Variants in GRM1 observed in about 807,000 individuals in gnomAD.
GRM1 encodes glutamate metabotropic receptor 1, also known as metabotropic glutamate receptor 1.
A neutral mutation model predicts 90.9 loss-of-function variants in GRM1; 33 were observed. The observed-to-expected ratio is 0.36, with a 90% CI of 0.28 to 0.49. GRM1 has a LOEUF of 0.49. GRM1 is among the 20% of genes least tolerant of loss of function. The pLI, the probability that GRM1 is intolerant of heterozygous loss-of-function variation, is 0.99. For synonymous variants in GRM1, 700 were observed against 613.2 expected, an observed-to-expected ratio of 1.14 and a Z score of -2.09; for missense variants, 1,190 against 1,534.3, an observed-to-expected ratio of 0.78 and a Z score of 3.75.
chr6:146,141,933 T>C (rs1330158723), intron 1 of GRM1, among the ~76,000 whole-genome samples: 1 of 152,166 alleles, frequency 6.6e-6, no homozygotes, highest in Non-Finnish European at 1.5e-5. Flanking sequence ...TCCTGGATAG[T>C]CTTAACGCTT....
At chr6:146,084,441 C>T (rs1057313331) in intron 1 of GRM1, among the ~76,000 whole-genome samples, 13 of 151,910 alleles carry the variant, frequency 8.6e-5, no homozygotes, top group Admixed American at 2.6e-4. Flanking sequence ...GTTGTGTCTT[C>T]GTTCTCGTTG....
chr6:146,229,020 T>A (rs1780355416), intron 2 of GRM1, among the ~76,000 whole-genome samples: 1 of 152,014 alleles, frequency 6.6e-6, no homozygotes, highest in Non-Finnish European at 1.5e-5. Flanking sequence ...GTGTAGAGAG[T>A]ACATAAACAT....
chr6:146,194,088 T>C (rs1420778473), intron 2 of GRM1, among the ~76,000 whole-genome samples: 1 of 152,178 alleles, frequency 6.6e-6, no homozygotes, highest in Non-Finnish European at 1.5e-5. Context: ...TAATGGGAAT[T>C]CTGTGGCTTC....
At chr6:146,324,197 G>A (rs960615574) in intron 3 of GRM1, among the ~76,000 whole-genome samples, 2 of 152,134 alleles carry the variant, frequency 1.3e-5, no homozygotes, top group African/African-American at 4.8e-5. Context: ...ACACTGGGAG[G>A]GGAAAACCAC....
chr6:146,429,909 G>T (rs1373985138), intron 7 of GRM1, among the ~76,000 whole-genome samples: 1 of 152,186 alleles, frequency 6.6e-6, no homozygotes. Context: ...CTGTTGTGAA[G>T]CTATTAAGCC....
Position 146,030,116 on chromosome 6 carries a change from A to G in GRM1, c.599A>G (p.Tyr200Cys). The change falls in exon 1 of 8, where the codon TAC becomes TGC. Residue 200 changes from tyrosine (Y) to cysteine (C), a missense_variant. This residue lies in a region of GRM1 where 46 missense variants were observed against 116.1 expected (regional missense o/e 0.40). Transcript: ENST00000282753. ...IDLSDKTLYKYFLRVVPSDTL... is the reference protein window; with the variant it reads ...IDLSDKTLYKCFLRVVPSDTL... The stretch of plus-strand genomic sequence containing the variant: ...CTGAGTGACAAAACTTTGTACAAAT[A>G]CTTCCTGAGGGTTGTCCCTTCTGAC... The G allele has an allele frequency of 6.2e-7, 1 of 1,614,088 alleles. No individual in the cohort carries two copies. The highest frequency in any genetic ancestry group is 8.5e-7 in the Non-Finnish European group (1 of 1,179,970).
intron 6 of GRM1, among the ~76,000 whole-genome samples, chr6:146,394,291 C>G (rs1776848729): frequency 6.6e-6 from 1 of 152,034 alleles, no homozygotes; most frequent in African/African-American, 2.4e-5. Flanking sequence ...ATGATTGTCT[C>G]TAGTATATCT....
chr6:146,053,350 A>G (rs1022550388), intron 1 of GRM1, among the ~76,000 whole-genome samples: 1 of 152,070 alleles, frequency 6.6e-6, no homozygotes, highest in Non-Finnish European at 1.5e-5. Flanking sequence ...ATATTTTTCA[A>G]TATATATTTG....
At position 146,142,307 on chromosome 6, in the gene GRM1, C is replaced by T. The variant is rs1182419312; in HGVS notation, c.701-17041C>T. 3.3e-5 allele frequency among the ~76,000 whole-genome samples: 5 copies of T among 152,200 alleles called. 1 individual carries two copies. The highest frequency in any genetic ancestry group is 4.1e-4 in the South Asian group (2 of 4,828). On this transcript the variant is annotated intron_variant, in intron 1 of 7. Coordinates refer to ENST00000282753, the MANE Select transcript of GRM1 (RefSeq NM_001278064.2). ...TCCTGGAGCTGTGGGAGAGGTGACA[C>T]AAGCACTCCTGTGGCCACTACCACT...
intron 2 of GRM1, among the ~76,000 whole-genome samples, chr6:146,231,390 G>A (rs1054722769): frequency 6.6e-6 from 1 of 152,096 alleles, no homozygotes; most frequent in Non-Finnish European, 1.5e-5. Context: ...GCAATGCCAA[G>A]TCAAATTCCA....
chr6:146,196,752 A>G (rs1275783024), intron 2 of GRM1, among the ~76,000 whole-genome samples: 1 of 152,120 alleles, frequency 6.6e-6, no homozygotes, highest in African/African-American at 2.4e-5. Context: ...ATGTTTTAAT[A>G]AACTCTCCAG....
At chr6:146,317,665 A>ACC (rs1784024254) in intron 3 of GRM1, among the ~76,000 whole-genome samples, 1 of 152,072 alleles carries the variant, frequency 6.6e-6, no homozygotes, top group Non-Finnish European at 1.5e-5. Context: ...GTTAGTTAAA[A>ACC]CTCCCTTATG....
chr6:146,413,857 A>G (rs1273246314), intron 7 of GRM1, among the ~76,000 whole-genome samples: 2 of 152,180 alleles, frequency 1.3e-5, no homozygotes, highest in Admixed American at 1.3e-4. Context: ...TTCACACAAC[A>G]TGAGATTCAT....
chr6:146,073,886 A>G (rs1423696778), intron 1 of GRM1, among the ~76,000 whole-genome samples: 4 of 152,308 alleles, frequency 2.6e-5, no homozygotes, highest in South Asian at 4.1e-4. Flanking sequence ...GAATGTAATC[A>G]GGTAAACGTA....
At chr6:146,129,294 G>C (rs187089832) in intron 1 of GRM1, among the ~76,000 whole-genome samples, 6 of 152,310 alleles carry the variant, frequency 3.9e-5, no homozygotes, top group Admixed American at 1.3e-4. Context: ...TCCAGAAGCA[G>C]TGACTGGTTT....
chr6:146,099,661 C>A (rs374726711), intron 1 of GRM1, among the ~76,000 whole-genome samples: 49 of 152,222 alleles, frequency 3.2e-4, no homozygotes, highest in African/African-American at 1.1e-3. Context: ...TATATGTATT[C>A]TTTTGTGGCT....
chr6:146,157,620 T>C (rs1777567545), intron 1 of GRM1, among the ~76,000 whole-genome samples: 1 of 152,010 alleles, frequency 6.6e-6, no homozygotes, highest in Admixed American at 6.6e-5. Context: ...TATTTTTCTT[T>C]TTGATTGACA....
At chr6:146,355,482 G>A (rs149358850) in intron 4 of GRM1, among the ~76,000 whole-genome samples, 1 of 152,268 alleles carries the variant, frequency 6.6e-6, no homozygotes, top group East Asian at 1.9e-4. Flanking sequence ...TTGTTTACCT[G>A]GCAAAGGAGA....
intron 2 of GRM1, among the ~76,000 whole-genome samples, chr6:146,261,089 G>A (rs1340935894): frequency 6.6e-6 from 1 of 151,908 alleles, no homozygotes; most frequent in African/African-American, 2.4e-5. Flanking sequence ...GGAATCCCAG[G>A]GCGTTTGACC....
Sources: gnomAD v4.1 joint callset for allele counts (sites outside exome capture counted in the v4.1 genomes callset) on GRCh38, gnomAD v4.1.1 for gene constraint, gnomAD v4.1.1 regional missense constraint, MANE v1.5 for transcripts, NCBI Gene and HGNC (gene_info 2026-07-23, HGNC 2026-07-21) for gene names.